The following OR51B5 variants were observed in gnomAD, a reference collection of about 807,000 sequenced individuals.
The protein encoded by OR51B5 is olfactory receptor family 51 subfamily B member 5, also known as olfactory receptor 51B5.
For synonymous variants in OR51B5, 186 were observed against 144.8 expected (o/e 1.28, Z -2.04); for missense variants, 456 against 374.6 (o/e 1.22, Z -1.79).
At chr11:5,376,736 T>C (rs1409696575) in intron 1 of OR51B5, among the ~76,000 whole-genome samples, 1 of 151,826 alleles carries the variant, frequency 6.6e-6, no homozygotes, top group Admixed American at 6.6e-5. Context: ...CCTGGACACA[T>C]ACACTATCCC....
At chr11:5,462,969 C>T (rs1299929306) in intron 1 of OR51B5, among the ~76,000 whole-genome samples, 2 of 151,888 alleles carry the variant, frequency 1.3e-5, no homozygotes, top group Admixed American at 1.3e-4. Flanking sequence ...AAAAAATTAC[C>T]CTCTGCAGGG....
intron 1 of OR51B5, among the ~76,000 whole-genome samples, chr11:5,465,220 A>AAAAAAAC (rs1851121608): frequency 6.7e-6 from 1 of 149,460 alleles, no homozygotes; most frequent in African/African-American, 2.4e-5. Flanking sequence ...AAAAAAAAAA[A>AAAAAAAC]AAAAAAAAAA....
intron 1 of OR51B5, among the ~76,000 whole-genome samples, chr11:5,424,311 G>A (rs1351728902): frequency 6.6e-6 from 1 of 152,108 alleles, no homozygotes; most frequent in Admixed American, 6.5e-5. Context: ...GAAAATGAAA[G>A]TTATTCGGGG....
At chr11:5,381,395 G>T (rs928508670) in intron 1 of OR51B5, among the ~76,000 whole-genome samples, 1 of 151,998 alleles carries the variant, frequency 6.6e-6, no homozygotes, top group Non-Finnish European at 1.5e-5. Context: ...CCTAATATTC[G>T]CATGATTACC....
intron 1 of OR51B5, chr11:5,403,051 G>A (rs748669294): frequency 8.5e-6 from 4 of 471,610 alleles, no homozygotes; most frequent in African/African-American, 2.0e-5. Context: ...AGCTATTATC[G>A]TACTGAAAAG....
intron 1 of OR51B5, among the ~76,000 whole-genome samples, chr11:5,443,692 A>C (rs1226984868): frequency 6.6e-6 from 1 of 152,066 alleles, no homozygotes. Context: ...CAGTCTACAA[A>C]GCAACTTTGA....
intron 1 of OR51B5, among the ~76,000 whole-genome samples, chr11:5,413,465 G>A (rs1282212250): frequency 2.0e-5 from 3 of 152,168 alleles, no homozygotes; most frequent in Non-Finnish European, 4.4e-5. Flanking sequence ...AGAGAAAAAG[G>A]CTTCAGACAA....
At chr11:5,373,437 G>T (rs748235414) in intron 1 of OR51B5, among the ~76,000 whole-genome samples, 3 of 152,168 alleles carry the variant, frequency 2.0e-5, no homozygotes, top group Non-Finnish European at 4.4e-5. Flanking sequence ...TCCATCTGAG[G>T]TATGGGGTTC....
At chr11:5,373,519 G>C (rs564926739) in intron 1 of OR51B5, among the ~76,000 whole-genome samples, 5 of 152,206 alleles carry the variant, frequency 3.3e-5, no homozygotes, top group Admixed American at 3.3e-4. Flanking sequence ...GCCGAAGCAG[G>C]GTGAGGCATT....
chr11:5,453,808 T>C (rs1422160099), intron 1 of OR51B5: 3 of 1,614,082 alleles, frequency 1.9e-6, no homozygotes, highest in Non-Finnish European at 2.5e-6. Flanking sequence ...ATTCACTTCT[T>C]CTCCATGATG....
intron 1 of OR51B5, among the ~76,000 whole-genome samples, chr11:5,439,284 T>C (rs1396948075): frequency 3.9e-5 from 6 of 152,122 alleles, no homozygotes; most frequent in African/African-American, 1.4e-4. Flanking sequence ...CAAATTCTCC[T>C]CTGAAGCTAT....
At chr11:5,351,782 A>G in intron 1 of OR51B5, 3 of 1,614,100 alleles carry the variant, frequency 1.9e-6, no homozygotes, top group Non-Finnish European at 2.5e-6. Context: ...GAGATTGGCC[A>G]TGGAGCCTGC....
intron 1 of OR51B5, among the ~76,000 whole-genome samples, chr11:5,503,199 C>T (rs1846322409): frequency 6.6e-6 from 1 of 152,056 alleles, no homozygotes; most frequent in African/African-American, 2.4e-5. Flanking sequence ...AGAGTAGAGG[C>T]TTTGCAACTA....
chr11:5,400,035 G>A (rs1273659376), intron 1 of OR51B5, among the ~76,000 whole-genome samples: 1 of 152,162 alleles, frequency 6.6e-6, no homozygotes, highest in Non-Finnish European at 1.5e-5. Flanking sequence ...GCTATGTTGA[G>A]CTTTTGGAGG....
chr11:5,486,064 G>A (rs763531857), intron 1 of OR51B5, among the ~76,000 whole-genome samples: 1 of 151,984 alleles, frequency 6.6e-6, no homozygotes, highest in Non-Finnish European at 1.5e-5. Context: ...AAGGAGAAAG[G>A]ACTCACAAAG....
intron 1 of OR51B5, among the ~76,000 whole-genome samples, chr11:5,495,027 G>T (rs983500781): frequency 6.6e-6 from 1 of 152,164 alleles, no homozygotes; most frequent in Non-Finnish European, 1.5e-5. Context: ...TAATGAAGTA[G>T]AAGTTTCCAG....
chr11:5,490,045 A>G lies in OR51B5; in HGVS notation n.84+15524T>C, dbSNP rs115960429. On this transcript the variant is annotated intron_variant and non_coding_transcript_variant, in intron 1 of 4. Transcript: ENST00000415970. Reference sequence around the variant, plus strand: ...AATGAATTTGAGTCTGAATTCCACCACTTTGAATATTGACGTATTGGTTAA... The same window carrying G: ...AATGAATTTGAGTCTGAATTCCACCGCTTTGAATATTGACGTATTGGTTAA... 6.9e-3 allele frequency among the ~76,000 whole-genome samples: 1,053 copies of G among 152,318 alleles called. 11 individuals carry two copies. Among genetic ancestry groups the G allele is most frequent in the African/African-American group, 0.021 (853 of 41,584 alleles).
intron 1 of OR51B5, among the ~76,000 whole-genome samples, chr11:5,402,443 T>C (rs1002079843): frequency 2.5e-4 from 38 of 152,252 alleles, no homozygotes; most frequent in African/African-American, 6.8e-4. Flanking sequence ...TTTGTCAGTT[T>C]TTAGAAATAA....
intron 1 of OR51B5, among the ~76,000 whole-genome samples, chr11:5,496,764 T>A (rs1851655771): frequency 6.6e-6 from 1 of 152,210 alleles, no homozygotes; most frequent in East Asian, 1.9e-4. Flanking sequence ...TATTGCTGAA[T>A]GCTAGCTGGA....
Sources: allele counts gnomAD v4.1 joint callset (sites outside exome capture counted in the v4.1 genomes callset), GRCh38; gene constraint gnomAD v4.1.1; transcripts MANE v1.5; gene names NCBI Gene and HGNC (gene_info 2026-07-23, HGNC 2026-07-21).